CSMD1: variants seen among roughly 807,000 people sequenced by gnomAD.
The protein encoded by CSMD1 is CUB and sushi domain-containing protein 1.
Under a neutral mutation model 417.5 loss-of-function variants are expected in CSMD1, and 213 were observed. That is an observed-to-expected ratio of 0.51 (90% CI 0.46 to 0.57). CSMD1 has a LOEUF of 0.57. Ranked by LOEUF, CSMD1 falls within the 20% of genes least tolerant of loss-of-function variation. The pLI is 0.00. For missense variants in CSMD1, 6,923 were observed against 4,529.7 expected (o/e 1.53, Z -15.17); for synonymous variants, 2,862 against 1,736.8 (o/e 1.65, Z -16.11).
intron 2 of CSMD1, among the ~76,000 whole-genome samples, chr8:4,443,582 G>A (rs951277672): frequency 6.6e-6 from 1 of 151,656 alleles, no homozygotes; most frequent in African/African-American, 2.4e-5. Context: ...TGAATAATAT[G>A]CATTTGCTTA....
chr8:3,301,947 T>TC (rs1238872882), intron 25 of CSMD1, among the ~76,000 whole-genome samples: 2 of 152,294 alleles, frequency 1.3e-5, no homozygotes, highest in African/African-American at 4.8e-5. Context: ...CACTTTTTTT[T>TC]CAGTGTCTCG....
At chr8:3,947,381 A>G (rs554089002) in intron 5 of CSMD1, among the ~76,000 whole-genome samples, 1 of 152,310 alleles carries the variant, frequency 6.6e-6, no homozygotes, top group African/African-American at 2.4e-5. Flanking sequence ...AAGTGACCCC[A>G]GTGGTCATGA....
At chr8:4,703,877 G>A (rs1381515809) in intron 1 of CSMD1, among the ~76,000 whole-genome samples, 1 of 152,136 alleles carries the variant, frequency 6.6e-6, no homozygotes, top group Non-Finnish European at 1.5e-5. Context: ...CAGCAGGGTT[G>A]GGGGACGGTT....
rs35438493 is a variant in CSMD1, at chr8:2,994,145, C to CAAA, written c.8377+3863_8377+3865dup. Among the ~76,000 whole-genome samples, 11 of 30,520 alleles carry CAAA rather than the reference C, an allele frequency of 3.6e-4. 2 individuals are homozygous for CAAA. The highest frequency in any genetic ancestry group is 1.9e-3 in the African/African-American group (8 of 4,196). The allele number at this position is 30,520 out of a possible 152,430, so 20.0% of individuals were successfully genotyped here. The stretch of plus-strand genomic sequence containing the variant: ...TGGGCAACAGAGCAAAACTCCATCT[C>CAAA]AAAAAAAAAAAAAAAAAAAAAAAAA... On this transcript the variant is annotated intron_variant, in intron 54 of 69. Coordinates refer to ENST00000635120, the MANE Select transcript of CSMD1 (RefSeq NM_033225.6).
At chr8:2,945,886 A>G (rs1802198875) in intron 68 of CSMD1, among the ~76,000 whole-genome samples, 1 of 152,220 alleles carries the variant, frequency 6.6e-6, no homozygotes, top group South Asian at 2.1e-4. Context: ...GCATCTTTGC[A>G]CATGTGATAA....
chr8:3,256,362 C>T (rs2117061900), intron 26 of CSMD1, among the ~76,000 whole-genome samples: 1 of 150,836 alleles, frequency 6.6e-6, no homozygotes, highest in Non-Finnish European at 1.5e-5. Context: ...GGAAACAAAC[C>T]ACAACTGTTG....
intron 5 of CSMD1, among the ~76,000 whole-genome samples, chr8:3,758,229 G>T (rs879391609): frequency 2.0e-5 from 3 of 152,164 alleles, no homozygotes; most frequent in Non-Finnish European, 4.4e-5. Flanking sequence ...TTCCCAGAGT[G>T]CTAGGGTTAC....
At chr8:3,888,825 T>C (rs930181945) in intron 5 of CSMD1, among the ~76,000 whole-genome samples, 39 of 152,286 alleles carry the variant, frequency 2.6e-4, no homozygotes, top group African/African-American at 8.9e-4. Flanking sequence ...AAAGGTACTA[T>C]TCTAGAAAAT....
At chr8:4,201,890 G>GA (rs993488648) in intron 3 of CSMD1, among the ~76,000 whole-genome samples, 2 of 148,210 alleles carry the variant, frequency 1.3e-5, no homozygotes, top group Non-Finnish European at 3.0e-5. Context: ...GAAATTTTGG[G>GA]GGGGGGGGGC....
At chr8:4,041,433 T>A (rs1327986978) in intron 3 of CSMD1, among the ~76,000 whole-genome samples, 1 of 152,186 alleles carries the variant, frequency 6.6e-6, no homozygotes, top group Non-Finnish European at 1.5e-5. Context: ...GCAACTTCTT[T>A]CGTGCCTCAA....
At chr8:3,305,508 G>A (rs1179157998) in intron 25 of CSMD1, among the ~76,000 whole-genome samples, 2 of 152,036 alleles carry the variant, frequency 1.3e-5, no homozygotes, top group African/African-American at 2.4e-5. Flanking sequence ...AGCTATAGTG[G>A]GAGGGAGCCC....
chr8:4,294,885 G>A (rs1029477868), intron 3 of CSMD1, among the ~76,000 whole-genome samples: 1 of 151,750 alleles, frequency 6.6e-6, no homozygotes, highest in Non-Finnish European at 1.5e-5. Flanking sequence ...TTTAGTAGCT[G>A]TCAATGTGTA....
At chr8:4,122,478 A>C (rs549246465) in intron 3 of CSMD1, among the ~76,000 whole-genome samples, 1 of 152,196 alleles carries the variant, frequency 6.6e-6, no homozygotes, top group Non-Finnish European at 1.5e-5. Flanking sequence ...ACTAAGAGAC[A>C]CGTAGATTAA....
chr8:4,949,572 G>A lies in CSMD1; in HGVS notation c.85+44760C>T, dbSNP rs371607300. On this transcript the variant is annotated intron_variant, in intron 1 of 69. Coordinates refer to ENST00000635120, the MANE Select transcript of CSMD1 (RefSeq NM_033225.6). The stretch of plus-strand genomic sequence containing the variant: ...TGTTGCATGTCACATCTGGTATCCA[G>A]TGATGCTGCCAAAGTTCCTGAAATG... Among the ~76,000 whole-genome samples the A allele has an allele frequency of 1.4e-4, 21 of 152,266 alleles. No homozygotes were observed. In the East Asian group the frequency reaches 3.5e-3, roughly 25 times the overall value.
chr8:3,521,418 G>T (rs80079751), intron 10 of CSMD1, among the ~76,000 whole-genome samples: 1 of 152,148 alleles, frequency 6.6e-6, no homozygotes, highest in South Asian at 2.1e-4. Flanking sequence ...TTTCCATGAA[G>T]TCCTCCTTGA....
chr8:3,441,948 T>C (rs1157987381), intron 12 of CSMD1, among the ~76,000 whole-genome samples: 3 of 152,214 alleles, frequency 2.0e-5, no homozygotes, highest in African/African-American at 7.2e-5. Flanking sequence ...ATGTGTGGTA[T>C]TGCCCCGAAG....
At chr8:3,781,867 C>T (rs1799206129) in intron 5 of CSMD1, among the ~76,000 whole-genome samples, 1 of 151,882 alleles carries the variant, frequency 6.6e-6, no homozygotes, top group Non-Finnish European at 1.5e-5. Context: ...TGGCATTTTC[C>T]CGCTATTTTT....
chr8:3,547,084 A>C (rs975566384), intron 10 of CSMD1, among the ~76,000 whole-genome samples: 1 of 152,146 alleles, frequency 6.6e-6, no homozygotes, highest in Non-Finnish European at 1.5e-5. Flanking sequence ...AGACAGCAGG[A>C]CCAATAACGT....
intron 11 of CSMD1, among the ~76,000 whole-genome samples, chr8:3,491,138 G>C (rs1181928237): frequency 6.6e-6 from 1 of 152,110 alleles, no homozygotes; most frequent in Non-Finnish European, 1.5e-5. Context: ...GAAAGAATGC[G>C]GTGAGAGCGT....
Sources: gnomAD v4.1 joint callset for allele counts (sites outside exome capture counted in the v4.1 genomes callset) on GRCh38, gnomAD v4.1.1 for gene constraint, MANE v1.5 for transcripts, NCBI Gene and HGNC (gene_info 2026-07-23, HGNC 2026-07-21) for gene names.